Variants in NLN observed in about 807,000 individuals in gnomAD.
NLN encodes the protein neurolysin, mitochondrial.
In NLN, 64 loss-of-function variants were observed where a neutral mutation model predicts 79.9. The ratio of observed to expected loss-of-function variants is 0.80; its 90% CI spans 0.65 to 0.99. The LOEUF is 0.99. NLN is among the 50% of genes least tolerant of loss of function. NLN has a pLI of 0.00. For missense variants in NLN, 835 were observed against 858.7 expected, an observed-to-expected ratio of 0.97 and a Z score of 0.34; for synonymous variants, 267 against 296.6, an observed-to-expected ratio of 0.90 and a Z score of 1.02.
At chr5:65,772,792 G>A (rs1338681095) in intron 3 of NLN, among the ~76,000 whole-genome samples, 2 of 149,982 alleles carry the variant, frequency 1.3e-5, no homozygotes, top group South Asian at 2.1e-4. Context: ...CCGTAGTGAC[G>A]TGATCTCAGC....
intron 3 of NLN, among the ~76,000 whole-genome samples, chr5:65,775,033 T>C (rs1759650414): frequency 6.6e-6 from 1 of 152,194 alleles, no homozygotes; most frequent in Non-Finnish European, 1.5e-5. Context: ...TAATTAGTCA[T>C]ATTTTAATTA....
At chr5:65,737,221 G>A (rs11956624) in intron 1 of NLN, among the ~76,000 whole-genome samples, 36,001 of 152,062 alleles carry the variant, frequency 0.24, 4,402 homozygotes, top group African/African-American at 0.27. Context: ...GACAGAAACT[G>A]CTCCTGCCCT....
intron 1 of NLN, among the ~76,000 whole-genome samples, chr5:65,723,326 C>T (rs1166575478): frequency 1.3e-5 from 2 of 152,112 alleles, no homozygotes; most frequent in East Asian, 3.9e-4. Context: ...GTTGCTCAGT[C>T]CGTAGAGTTA....
intron 9 of NLN, among the ~76,000 whole-genome samples, chr5:65,808,709 C>G (rs565740230): frequency 2.0e-5 from 3 of 152,140 alleles, no homozygotes; most frequent in Non-Finnish European, 4.4e-5. Context: ...CAGAATAGGT[C>G]GTTTGTTTTT....
chr5:65,783,863 A>G (rs1291285182), intron 6 of NLN, among the ~76,000 whole-genome samples: 5 of 152,162 alleles, frequency 3.3e-5, no homozygotes, highest in Admixed American at 3.3e-4. Flanking sequence ...GGAGAATTAC[A>G]TTATGTATGT....
Position 65,757,382 on chromosome 5 carries a change from C to T in NLN, c.42-1185C>T, listed in dbSNP as rs564184582. Reference sequence around the variant, plus strand: ...TTTAATCCTACCTGTGACCCTACAACTAGCTGCGTGGCTTTAGGCAAGTTA... The same window carrying T: ...TTTAATCCTACCTGTGACCCTACAATTAGCTGCGTGGCTTTAGGCAAGTTA... On this transcript the variant is annotated intron_variant, in intron 1 of 12. Coordinates refer to ENST00000380985, the MANE Select transcript of NLN (RefSeq NM_020726.5). Among the ~76,000 whole-genome samples, 335 of 152,288 alleles carry T rather than the reference C, an allele frequency of 2.2e-3. 2 individuals are homozygous for T. Among genetic ancestry groups the T allele is most frequent in the African/African-American group, 7.4e-3 (306 of 41,566 alleles).
chr5:65,771,913 T>TA (rs1759575594), intron 3 of NLN, among the ~76,000 whole-genome samples: 2 of 113,020 alleles, frequency 1.8e-5, no homozygotes, highest in Admixed American at 8.8e-5. Context: ...AATGAAGAGA[T>TA]AAAAATTTTA....
Position 65,755,409 on chromosome 5 carries a change from TGGAACATGCGTATAA to T in NLN, c.42-3153_42-3139del, listed in dbSNP as rs1759196910. Among the ~76,000 whole-genome samples, 3 of 152,312 alleles carry T rather than the reference TGGAACATGCGTATAA, an allele frequency of 2.0e-5. No homozygotes were observed. The South Asian group carries it at 6.2e-4, about 32-fold the overall frequency. ...ATTTCCAGTTTCAGCTTCTCGAAAG[TGGAACATGCGTATAA>T]GGAAACATATAAGTAGTATGAATTC... On this transcript the variant is annotated intron_variant, in intron 1 of 12. Coordinates refer to ENST00000380985, the MANE Select transcript of NLN (RefSeq NM_020726.5).
chr5:65,722,735 A>G (rs910486361), intron 1 of NLN: 1 of 373,896 alleles, frequency 2.7e-6, no homozygotes, highest in Non-Finnish European at 4.9e-6. Flanking sequence ...TTCACGTTCA[A>G]TCCCAATGCA....
At chr5:65,817,116 C>A (rs1187986262) in intron 12 of NLN, among the ~76,000 whole-genome samples, 3 of 152,092 alleles carry the variant, frequency 2.0e-5, no homozygotes, top group Non-Finnish European at 4.4e-5. Flanking sequence ...GTATAGTTTT[C>A]ATTCTGTTTT....
intron 1 of NLN, among the ~76,000 whole-genome samples, chr5:65,750,567 T>A (rs1399013052): frequency 1.3e-5 from 2 of 152,152 alleles, no homozygotes; most frequent in Non-Finnish European, 2.9e-5. Context: ...AATTTTTAAA[T>A]TAGCTGGGTG....
At chr5:65,745,377 A>G (rs879755110) in intron 1 of NLN, among the ~76,000 whole-genome samples, 10 of 152,180 alleles carry the variant, frequency 6.6e-5, no homozygotes, top group Non-Finnish European at 1.5e-4. Flanking sequence ...AGTATAGGAT[A>G]ATAAAGAATA....
chr5:65,753,650 C>CA (rs759112884), intron 1 of NLN, among the ~76,000 whole-genome samples: 2,604 of 88,662 alleles, frequency 0.029, 63 homozygotes, highest in African/African-American at 0.085. Flanking sequence ...ACTCTATCTC[C>CA]AAAAAAAAAA....
At chr5:65,739,192 C>T (rs1680284340) in intron 1 of NLN, among the ~76,000 whole-genome samples, 1 of 151,376 alleles carries the variant, frequency 6.6e-6, no homozygotes, top group Non-Finnish European at 1.5e-5. Context: ...CATGAGCCAC[C>T]ATGCCTGGCC....
chr5:65,782,358 T>C (rs16894339), intron 6 of NLN, among the ~76,000 whole-genome samples: 2,342 of 152,338 alleles, frequency 0.015, 61 homozygotes, highest in African/African-American at 0.052. Context: ...AGACTTACGA[T>C]ATCTTTGGTA....
chr5:65,794,803 C>T (rs1760137689), intron 9 of NLN, among the ~76,000 whole-genome samples: 1 of 152,026 alleles, frequency 6.6e-6, no homozygotes. Context: ...CCCAGAGTAG[C>T]CCTAATCATT....
chr5:65,752,256 A>C (rs1165102589), intron 1 of NLN, among the ~76,000 whole-genome samples: 1 of 152,124 alleles, frequency 6.6e-6, no homozygotes, highest in African/African-American at 2.4e-5. Flanking sequence ...AAAAATTCAC[A>C]AAGGTCATGT....
intron 3 of NLN, among the ~76,000 whole-genome samples, chr5:65,765,790 A>G (rs1368573133): frequency 2.6e-5 from 4 of 152,130 alleles, no homozygotes; most frequent in Admixed American, 6.6e-5. Context: ...GATGTCAGCA[A>G]TTTCAGGCCT....
chr5:65,756,477 G>A (rs188881557), intron 1 of NLN, among the ~76,000 whole-genome samples: 3 of 152,130 alleles, frequency 2.0e-5, no homozygotes, highest in East Asian at 3.9e-4. Context: ...TTAATCATGA[G>A]CCCCAATAGC....
Sources: gnomAD v4.1 joint callset for allele counts (sites outside exome capture counted in the v4.1 genomes callset) on GRCh38, gnomAD v4.1.1 for gene constraint, MANE v1.5 for transcripts, NCBI Gene and HGNC (gene_info 2026-07-23, HGNC 2026-07-21) for gene names.